ELMO1: variants seen among roughly 807,000 people sequenced by gnomAD.
ELMO1 encodes the protein engulfment and cell motility 1, also known as engulfment and cell motility protein 1.
Under a neutral mutation model 98.9 loss-of-function variants are expected in ELMO1, and 26 were observed. The observed-to-expected ratio is 0.26, with a 90% confidence interval of 0.19 to 0.36. The LOEUF is 0.36. ELMO1 is among the 10% of genes least tolerant of loss of function. The pLI is 1.00. For missense variants in ELMO1, 627 were observed against 935.2 expected, an observed-to-expected ratio of 0.67 and a Z score of 4.30; for synonymous variants, 346 against 346.0, an observed-to-expected ratio of 1.00 and a Z score of 0.00.
chr7:37,153,969 G>A (rs1406946907), intron 13 of ELMO1, among the ~76,000 whole-genome samples: 1 of 152,010 alleles, frequency 6.6e-6, no homozygotes, highest in African/African-American at 2.4e-5. Context: ...GAAGGATCAG[G>A]CAGCAATATT....
chr7:36,860,800 A>G lies in ELMO1; in HGVS notation c.1983+859T>C, dbSNP rs867352599. ...TATATTTAAGCACCGTTCTAAATGCAGGATTTGTGTCTAATCTTTCCTCTC... is the reference window on the plus strand; with the variant it reads ...TATATTTAAGCACCGTTCTAAATGCGGGATTTGTGTCTAATCTTTCCTCTC... On this transcript the variant is annotated intron_variant, in intron 21 of 21. Coordinates refer to ENST00000310758, the MANE Select transcript of ELMO1 (RefSeq NM_014800.11). Among the ~76,000 whole-genome samples the G allele has an allele frequency of 9.2e-5, 14 of 152,366 alleles. No individual in the cohort carries two copies. In the South Asian group the frequency reaches 1.2e-3, roughly 14 times the overall value.
intron 13 of ELMO1, among the ~76,000 whole-genome samples, chr7:37,145,697 T>C (rs190421371): frequency 1.3e-5 from 2 of 152,262 alleles, no homozygotes; most frequent in African/African-American, 2.4e-5. Flanking sequence ...GCTTGCCAGA[T>C]GGCATAGCGT....
chr7:37,120,922 C>G (rs149586942), intron 14 of ELMO1, among the ~76,000 whole-genome samples: 1 of 152,144 alleles, frequency 6.6e-6, no homozygotes, highest in Admixed American at 6.5e-5. Context: ...CCCTCTGAGA[C>G]GAAACTTCTA....
chr7:37,156,191 T>G (rs1343540117), intron 13 of ELMO1, among the ~76,000 whole-genome samples: 1 of 152,150 alleles, frequency 6.6e-6, no homozygotes, highest in Non-Finnish European at 1.5e-5. Flanking sequence ...AGAAGGAAAT[T>G]TATAGCACTA....
chr7:37,106,920 T>C (rs368466063), intron 14 of ELMO1, among the ~76,000 whole-genome samples: 4 of 152,150 alleles, frequency 2.6e-5, no homozygotes, highest in Non-Finnish European at 4.4e-5. Context: ...TCAGTAGGTG[T>C]GGGTTGGGAC....
chr7:37,229,520 C>T (rs921807934), intron 8 of ELMO1, among the ~76,000 whole-genome samples: 1 of 151,946 alleles, frequency 6.6e-6, no homozygotes, highest in Non-Finnish European at 1.5e-5. Flanking sequence ...AATATTTCTC[C>T]AAAGTGGTAT....
At chr7:36,973,480 T>G (rs943467218) in intron 16 of ELMO1, among the ~76,000 whole-genome samples, 1 of 152,160 alleles carries the variant, frequency 6.6e-6, no homozygotes, top group Non-Finnish European at 1.5e-5. Flanking sequence ...ATTTGCTCCA[T>G]GAGAAGGAAA....
At chr7:36,983,580 GA>G in intron 16 of ELMO1, among the ~76,000 whole-genome samples, 1 of 152,230 alleles carries the variant, frequency 6.6e-6, no homozygotes, top group Admixed American at 6.5e-5. Flanking sequence ...ATATTTTGGC[GA>G]CTAAATTTCC....
Position 37,322,204 on chromosome 7 carries a change from G to C in ELMO1, c.79-6244C>G, listed in dbSNP as rs184813119. ...CTATTGGAAAATATTTGGGCTGGAC[G>C]TGGTGGCCCATGCCTGTTATCCCAG... On this transcript the variant is annotated intron_variant, in intron 2 of 21. Coordinates refer to ENST00000310758, the MANE Select transcript of ELMO1 (RefSeq NM_014800.11). Among the ~76,000 whole-genome samples the C allele has an allele frequency of 4.6e-5, 7 of 152,108 alleles. No homozygotes were observed. In the East Asian group the frequency reaches 1.4e-3, roughly 30 times the overall value.
At chr7:37,186,174 T>C (rs1447055988) in intron 13 of ELMO1, among the ~76,000 whole-genome samples, 2 of 152,204 alleles carry the variant, frequency 1.3e-5, no homozygotes, top group East Asian at 1.9e-4. Context: ...TTATAGTCAA[T>C]TGATTTTTGA....
intron 1 of ELMO1, among the ~76,000 whole-genome samples, chr7:37,357,056 G>GA (rs1203103771): frequency 2.0e-5 from 3 of 152,128 alleles, no homozygotes; most frequent in African/African-American, 7.2e-5. Context: ...AGCCCTTGCT[G>GA]AGGTTCCTCC....
At chr7:37,348,842 G>T (rs1276311151) in intron 1 of ELMO1, among the ~76,000 whole-genome samples, 1 of 152,142 alleles carries the variant, frequency 6.6e-6, no homozygotes, top group African/African-American at 2.4e-5. Flanking sequence ...TTCCACAAAG[G>T]TCCCAAATAC....
intron 5 of ELMO1, 38 bp from the exon 6 acceptor site, chr7:37,259,388 C>T (rs775880737): frequency 6.3e-6 from 10 of 1,593,808 alleles, no homozygotes; most frequent in African/African-American, 5.4e-5. Context: ...TGTTGACAAA[C>T]GAAACCACAA....
chr7:37,041,130 G>A (rs1795482525), intron 15 of ELMO1, among the ~76,000 whole-genome samples: 1 of 151,806 alleles, frequency 6.6e-6, no homozygotes. Context: ...ATGGGAGTAG[G>A]AAGTTGAGAT....
At chr7:37,330,123 T>A (rs1800024661) in intron 2 of ELMO1, among the ~76,000 whole-genome samples, 1 of 152,246 alleles carries the variant, frequency 6.6e-6, no homozygotes, top group African/African-American at 2.4e-5. Context: ...GAGCCCCTGT[T>A]CTTTCTCACT....
intron 16 of ELMO1, among the ~76,000 whole-genome samples, chr7:37,003,315 G>A (rs1383646754): frequency 1.3e-5 from 2 of 152,128 alleles, no homozygotes; most frequent in African/African-American, 4.8e-5. Context: ...GTGAGGCCAG[G>A]AGTTTGAGAT....
chr7:37,213,073 G>T (rs1793070041), intron 12 of ELMO1, among the ~76,000 whole-genome samples: 1 of 152,066 alleles, frequency 6.6e-6, no homozygotes, highest in Non-Finnish European at 1.5e-5. Context: ...TAAAGTCTGT[G>T]GTCATGTGAC....
At chr7:37,421,800 G>A (rs1429823841) in intron 1 of ELMO1, among the ~76,000 whole-genome samples, 4 of 152,202 alleles carry the variant, frequency 2.6e-5, no homozygotes. Flanking sequence ...ATAGACTTCG[G>A]CAGAAGAGGG....
intron 16 of ELMO1, among the ~76,000 whole-genome samples, chr7:36,976,538 G>T (rs890091893): frequency 6.6e-6 from 1 of 152,134 alleles, no homozygotes; most frequent in African/African-American, 2.4e-5. Flanking sequence ...TATCCCATTG[G>T]GAACGCATCT....
Sources: gnomAD v4.1 joint callset for allele counts (sites outside exome capture counted in the v4.1 genomes callset) on GRCh38, gnomAD v4.1.1 for gene constraint, MANE v1.5 for transcripts, NCBI Gene and HGNC (gene_info 2026-07-23, HGNC 2026-07-21) for gene names.